Variants in PCDH9 observed in about 807,000 individuals in gnomAD.
PCDH9 encodes protocadherin 9.
In PCDH9, 24 loss-of-function variants were observed where a neutral mutation model predicts 70.6. The observed-to-expected ratio is 0.34, with a 90% confidence interval of 0.25 to 0.48. The LOEUF (loss-of-function observed/expected upper bound fraction) is 0.48. Among genes scored for constraint, PCDH9 ranks in the 20% least tolerant of loss-of-function variants. PCDH9 has a pLI of 0.99. For missense variants in PCDH9, 1,281 were observed against 1,503.6 expected, an observed-to-expected ratio of 0.85 and a Z score of 2.45; for synonymous variants, 562 against 558.5, an observed-to-expected ratio of 1.01 and a Z score of -0.09.
At chr13:66,772,101 T>C (rs1225121848) in intron 3 of PCDH9, among the ~76,000 whole-genome samples, 1 of 152,172 alleles carries the variant, frequency 6.6e-6, no homozygotes, top group Non-Finnish European at 1.5e-5. Flanking sequence ...ATAAGGAATT[T>C]GGAAAAAATA....
chr13:66,634,624 T>C (rs1160821839), intron 3 of PCDH9, among the ~76,000 whole-genome samples: 1 of 152,146 alleles, frequency 6.6e-6, no homozygotes. Flanking sequence ...GTTCCTGGTA[T>C]GCAATACATG....
rs539221301 is a variant in PCDH9, at chr13:66,845,990, C to G, written c.3138+57514G>C. 1.2e-4 allele frequency among the ~76,000 whole-genome samples: 18 copies of G among 151,812 alleles called. No individual in the cohort carries two copies. In the East Asian group the frequency reaches 2.1e-3, roughly 18 times the overall value. On this transcript the variant is annotated intron_variant, in intron 3 of 4. Coordinates refer to ENST00000377865, the MANE Select transcript of PCDH9 (RefSeq NM_203487.3). Reference sequence around the variant, plus strand: ...GTATTTACATACTTCAAGTGGGGATCAGTACAATGATAGCTGATAATGTCA... The same window carrying G: ...GTATTTACATACTTCAAGTGGGGATGAGTACAATGATAGCTGATAATGTCA...
chr13:67,066,611 A>AT (rs899000527), intron 2 of PCDH9, among the ~76,000 whole-genome samples: 3 of 152,264 alleles, frequency 2.0e-5, no homozygotes, highest in South Asian at 2.1e-4. Flanking sequence ...GAAACCTTCT[A>AT]TTTTTTTAAA....
intron 3 of PCDH9, among the ~76,000 whole-genome samples, chr13:66,755,435 C>A (rs572555229): frequency 6.6e-6 from 1 of 152,048 alleles, no homozygotes; most frequent in Non-Finnish European, 1.5e-5. Flanking sequence ...AAAGCAGTGG[C>A]GCTGCAAATT....
At chr13:66,808,666 T>C (rs17081895) in intron 3 of PCDH9, among the ~76,000 whole-genome samples, 4,699 of 152,266 alleles carry the variant, frequency 0.031, 228 homozygotes, top group African/African-American at 0.1. Context: ...TGTAAAGCAC[T>C]AGTAGGCTAA....
chr13:66,628,517 A>C (rs2077527595), intron 4 of PCDH9, among the ~76,000 whole-genome samples: 1 of 152,188 alleles, frequency 6.6e-6, no homozygotes. Context: ...CCCACACTTG[A>C]GGAAAAGGTG....
At chr13:66,866,879 T>G (rs1039650032) in intron 3 of PCDH9, among the ~76,000 whole-genome samples, 1 of 152,208 alleles carries the variant, frequency 6.6e-6, no homozygotes, top group Admixed American at 6.5e-5. Flanking sequence ...GATATATTTC[T>G]GACATTTCTG....
chr13:66,712,407 A>G (rs1361211776), intron 3 of PCDH9, among the ~76,000 whole-genome samples: 1 of 152,174 alleles, frequency 6.6e-6, no homozygotes, highest in African/African-American at 2.4e-5. Flanking sequence ...TTAAAATTCA[A>G]GCCTGAATTT....
intron 4 of PCDH9, among the ~76,000 whole-genome samples, chr13:66,568,419 A>ACG (rs1555307521): frequency 6.0e-5 from 4 of 66,430 alleles, no homozygotes; most frequent in East Asian, 9.3e-4. Context: ...AGACACATAC[A>ACG]CACACGCACA....
At chr13:66,612,646 A>C (rs916347668) in intron 4 of PCDH9, among the ~76,000 whole-genome samples, 1 of 152,112 alleles carries the variant, frequency 6.6e-6, no homozygotes, top group Non-Finnish European at 1.5e-5. Flanking sequence ...GCCAGGTTGG[A>C]GGGGATCCCT....
At chr13:66,610,095 A>G (rs968030249) in intron 4 of PCDH9, among the ~76,000 whole-genome samples, 7 of 151,930 alleles carry the variant, frequency 4.6e-5, no homozygotes, top group South Asian at 4.2e-4. Flanking sequence ...TTATTTAATA[A>G]CAATAGTACT....
intron 3 of PCDH9, among the ~76,000 whole-genome samples, chr13:66,875,481 G>A (rs776799925): frequency 3.9e-5 from 6 of 152,184 alleles, no homozygotes; most frequent in Admixed American, 6.5e-5. Context: ...CATGATGCCA[G>A]ACACACAAAG....
At chr13:66,923,617 TA>T (rs1332259618) in intron 2 of PCDH9, among the ~76,000 whole-genome samples, 1 of 151,666 alleles carries the variant, frequency 6.6e-6, no homozygotes, top group Non-Finnish European at 1.5e-5. Flanking sequence ...CAATACAATG[TA>T]TACAACCACC....
At chr13:66,724,971 T>G (rs2078987112) in intron 3 of PCDH9, among the ~76,000 whole-genome samples, 1 of 152,198 alleles carries the variant, frequency 6.6e-6, no homozygotes, top group Non-Finnish European at 1.5e-5. Context: ...TATTACATAG[T>G]GCTGATGACT....
chr13:66,560,614 T>C (rs1961967075), intron 4 of PCDH9, among the ~76,000 whole-genome samples: 1 of 152,182 alleles, frequency 6.6e-6, no homozygotes, highest in Non-Finnish European at 1.5e-5. Flanking sequence ...ACTTAGCACT[T>C]GTTGTCATAG....
chr13:66,640,658 G>A (rs1316245712), intron 3 of PCDH9, among the ~76,000 whole-genome samples: 1 of 152,004 alleles, frequency 6.6e-6, no homozygotes, highest in Non-Finnish European at 1.5e-5. Flanking sequence ...AGCCTTTAAA[G>A]GACAGATAAT....
At chr13:66,448,848 G>C (rs1019630120) in intron 4 of PCDH9, among the ~76,000 whole-genome samples, 1 of 94,910 alleles carries the variant, frequency 1.1e-5, no homozygotes, top group African/African-American at 3.7e-5. Context: ...AGGAAATTAA[G>C]TTATGCTGCA....
chr13:66,729,463 G>C lies in PCDH9; in HGVS notation c.3139-98052C>G, dbSNP rs906047180. On this transcript the variant is annotated intron_variant, in intron 3 of 4. Coordinates refer to ENST00000377865, the MANE Select transcript of PCDH9 (RefSeq NM_203487.3). The stretch of plus-strand genomic sequence containing the variant: ...GAGACATGTTCATAAATTGTAAATC[G>C]ATTTGTTTTACTCCCCTATTTAACA... 7.9e-5 allele frequency among the ~76,000 whole-genome samples: 12 copies of C among 152,022 alleles called. No individual in the cohort carries two copies. In the East Asian group the frequency reaches 2.1e-3, roughly 27 times the overall value.
chr13:67,130,818 T>C (rs1219868353), intron 2 of PCDH9, among the ~76,000 whole-genome samples: 2 of 152,048 alleles, frequency 1.3e-5, no homozygotes, highest in Non-Finnish European at 2.9e-5. Flanking sequence ...TATGCACCGG[T>C]GGGCCCTGGC....
Sources: allele counts gnomAD v4.1 joint callset (sites outside exome capture counted in the v4.1 genomes callset), GRCh38; gene constraint gnomAD v4.1.1; transcripts MANE v1.5; gene names NCBI Gene and HGNC (gene_info 2026-07-23, HGNC 2026-07-21).